Variants in PRKD3 observed in about 807,000 individuals in gnomAD.
PRKD3 encodes the protein serine/threonine-protein kinase D3.
PRKD3 carries 47 observed loss-of-function variants against 99.2 expected under a neutral mutation model. The ratio of observed to expected loss-of-function variants is 0.47; its 90% CI spans 0.38 to 0.60. The LOEUF is 0.60. Ranked by LOEUF, PRKD3 falls within the 20% of genes least tolerant of loss-of-function variation. PRKD3 has a pLI of 0.00. For missense variants in PRKD3, 1,019 were observed against 1,088.4 expected (o/e 0.94, Z 0.90); for synonymous variants, 392 against 355.4 (o/e 1.10, Z -1.16).
At chr2:37,258,985 C>A (rs1668195087) in intron 16 of PRKD3, among the ~76,000 whole-genome samples, 1 of 151,254 alleles carries the variant, frequency 6.6e-6, no homozygotes, top group Admixed American at 6.6e-5. Context: ...ATGGTTGTTT[C>A]AGAATTTGGG....
At chr2:37,263,324 T>C (rs1224122020) in intron 14 of PRKD3, among the ~76,000 whole-genome samples, 1 of 152,190 alleles carries the variant, frequency 6.6e-6, no homozygotes, top group Non-Finnish European at 1.5e-5. Flanking sequence ...ATTTTGTAAT[T>C]TATTTCTGCT....
At chr2:37,295,787 C>G (rs1442546939) in intron 2 of PRKD3, among the ~76,000 whole-genome samples, 1 of 152,030 alleles carries the variant, frequency 6.6e-6, no homozygotes, top group East Asian at 1.9e-4. Flanking sequence ...GGAGACGAGA[C>G]ATAAGGTTTC....
chr2:37,282,602 G>A lies in PRKD3; in HGVS notation c.928C>T (p.His310Tyr). 1 of 1,600,654 alleles carries A rather than the reference G, an allele frequency of 6.2e-7. No individual in the cohort carries two copies. The highest frequency in any genetic ancestry group is 8.6e-7 in the Non-Finnish European group (1 of 1,168,008). Residue 310 changes from histidine (H) to tyrosine (Y), a missense_variant, in exon 7 of 19, where the codon CAT becomes TAT. His to Tyr is a moderately conservative substitution (Grantham distance 83, BLOSUM62 2). This residue lies in a region of PRKD3 where 710 missense variants were observed against 692.7 expected (regional missense o/e 1.02). Coordinates refer to ENST00000234179, the MANE Select transcript of PRKD3 (RefSeq NM_005813.6). ...GGTACTTTTGATGCACAGCGTTTAT[G>A]GCAGTTGAATTTGCAATCTAAAATG... ...MQCKDCKFNC[H>Y]KRCASKVPRD...
intron 6 of PRKD3, among the ~76,000 whole-genome samples, chr2:37,283,900 CAAAA>C (rs397872003): frequency 1.1e-5 from 1 of 89,684 alleles, no homozygotes; most frequent in Non-Finnish European, 2.4e-5. Context: ...GACTCTGTCT[CAAAA>C]AAAAAAAAAA....
At chr2:37,320,789 C>T (rs567084229) in intron 1 of PRKD3, among the ~76,000 whole-genome samples, 13 of 152,220 alleles carry the variant, frequency 8.5e-5, no homozygotes, top group Non-Finnish European at 1.6e-4. Context: ...TTTTATTATA[C>T]CTAGTAATAT....
rs141147191 is a variant in PRKD3, at chr2:37,253,204, A to T, written c.2646T>A (p.Asn882Lys). The change falls in exon 19 of 19, where the codon AAT becomes AAA. Residue 882 changes from asparagine (N) to lysine (K), a missense_variant. By Grantham distance (94) the Asn-to-Lys change is moderately conservative. Transcript: ENST00000234179. ...AAGGATCTTCTTCCATATCATCTGG[A>T]TTAGGAGCCATAATGAAGTGCTTTG... ...VYPKHFIMAPNPDDMEEDP is the reference protein window; with the variant it reads ...VYPKHFIMAPKPDDMEEDP 1.6e-4 allele frequency: 265 copies of T among 1,609,888 alleles called. No homozygotes were observed. The highest frequency in any genetic ancestry group is 2.1e-4 in the Non-Finnish European group (245 of 1,177,730).
chr2:37,294,601 A>C (rs1387036354), intron 2 of PRKD3, among the ~76,000 whole-genome samples: 1 of 152,188 alleles, frequency 6.6e-6, no homozygotes, highest in African/African-American at 2.4e-5. Context: ...CTAAGAGTGT[A>C]AGAATTCTCA....
intron 1 of PRKD3, chr2:37,324,156 C>G: frequency 1.0e-6 from 1 of 985,082 alleles, no homozygotes. Flanking sequence ...AGTCGGGATA[C>G]TGGGGCGAGG....
intron 17 of PRKD3, among the ~76,000 whole-genome samples, chr2:37,256,153 A>C (rs1238969288): frequency 6.6e-6 from 1 of 152,260 alleles, no homozygotes; most frequent in Non-Finnish European, 1.5e-5. Context: ...GATTGTAGAC[A>C]AGGGAAAAAC....
At chr2:37,314,931 C>T (rs1671593454) in intron 2 of PRKD3, among the ~76,000 whole-genome samples, 2 of 152,038 alleles carry the variant, frequency 1.3e-5, no homozygotes, top group African/African-American at 4.8e-5. Flanking sequence ...TAACTTAGGC[C>T]ACATGTACAA....
At chr2:37,294,982 T>A (rs1008000219) in intron 2 of PRKD3, among the ~76,000 whole-genome samples, 1 of 152,104 alleles carries the variant, frequency 6.6e-6, no homozygotes, top group African/African-American at 2.4e-5. Flanking sequence ...GGCTGAGGCA[T>A]AAGAATCACT....
chr2:37,288,936 C>T (rs1219358620), intron 5 of PRKD3, among the ~76,000 whole-genome samples: 3 of 152,062 alleles, frequency 2.0e-5, no homozygotes, highest in Non-Finnish European at 4.4e-5. Flanking sequence ...CATCTGTAAT[C>T]CCCGCTACTT....
intron 5 of PRKD3, among the ~76,000 whole-genome samples, chr2:37,288,544 A>G (rs1449748972): frequency 6.6e-6 from 1 of 152,236 alleles, no homozygotes; most frequent in Non-Finnish European, 1.5e-5. Flanking sequence ...ATTACAACCT[A>G]CAGATGGAAG....
chr2:37,281,479 T>C (rs1249769661), intron 7 of PRKD3, among the ~76,000 whole-genome samples: 1 of 152,130 alleles, frequency 6.6e-6, no homozygotes, highest in Non-Finnish European at 1.5e-5. Flanking sequence ...GAAGGTGGTA[T>C]CTTTGGGATG....
intron 3 of PRKD3, 48 bp from the exon 4 acceptor site, chr2:37,291,047 T>A (rs1331270979): frequency 1.3e-6 from 2 of 1,519,446 alleles, no homozygotes; most frequent in South Asian, 2.5e-5. Context: ...TGTACTGCGA[T>A]GAGATTAAGA....
chr2:37,274,428 T>G lies in PRKD3; in HGVS notation c.1644A>C (p.Lys548Asn). Residue 548 changes from lysine (K) to asparagine (N), a missense_variant, in exon 11 of 19, where the codon AAA becomes AAC. Coordinates refer to ENST00000234179, the MANE Select transcript of PRKD3 (RefSeq NM_005813.6). ...AAGAAGTTTATTGCTTACTGTGATCTTTCCCTTGCCCTGGAGAAGTGCAAA... is the reference window on the plus strand; with the variant it reads ...AAGAAGTTTATTGCTTACTGTGATCGTTCCCTTGCCCTGGAGAAGTGCAAA... ...ASVCTSPGQG[K>N]DHKDLSTSIS... 6.2e-7 allele frequency: 1 copy of G among 1,614,122 alleles called. No individual in the cohort carries two copies. Among genetic ancestry groups the G allele is most frequent in the Non-Finnish European group, 8.5e-7 (1 of 1,179,978 alleles).
At chr2:37,267,688 T>A in intron 13 of PRKD3, 152 bp from the exon 14 acceptor site, 1 of 607,320 alleles carries the variant, frequency 1.6e-6, no homozygotes, top group Non-Finnish European at 2.8e-6. Context: ...CACCTTTAAT[T>A]TAGGAAAAAA....
At position 37,252,948 on chromosome 2, in the gene PRKD3, G is replaced by T. The variant is rs1041301919; in HGVS notation, c.*229C>A. 5.7e-6 allele frequency: 2 copies of T among 348,686 alleles called. No individual in the cohort carries two copies. Among genetic ancestry groups the T allele is most frequent in the African/African-American group, 2.1e-5 (1 of 47,314 alleles). 21.6% of individuals were successfully genotyped at this position (348,686 alleles called of 1,614,324 possible). ...AAATACAAAACCAGTTATTGCTTAG[G>T]CTAAAAAAGTTTATAAAAAGCTTCA... is the stretch of plus-strand genomic sequence containing the variant. On this transcript the variant is annotated 3_prime_UTR_variant, in exon 19 of 19. Coordinates refer to ENST00000234179, the MANE Select transcript of PRKD3 (RefSeq NM_005813.6).
At chr2:37,316,130 A>G (rs1671644035) in intron 2 of PRKD3, 107 bp downstream of exon 2, 7 of 1,204,726 alleles carry the variant, frequency 5.8e-6, no homozygotes, top group Admixed American at 2.2e-5. Context: ...AATGCACAGA[A>G]TAAACTACTG....
Sources: gnomAD v4.1 joint callset for allele counts (sites outside exome capture counted in the v4.1 genomes callset) on GRCh38, gnomAD v4.1.1 for gene constraint, gnomAD v4.1.1 regional missense constraint, MANE v1.5 for transcripts, NCBI Gene and HGNC (gene_info 2026-07-23, HGNC 2026-07-21) for gene names.